Variants in ATP8A2 observed in about 807,000 individuals in gnomAD.
The protein encoded by ATP8A2 is phospholipid-transporting ATPase IB.
ATP8A2 carries 100 observed loss-of-function variants against 165.6 expected under a neutral mutation model. The ratio of observed to expected loss-of-function variants is 0.60; its 90% CI spans 0.51 to 0.71. The LOEUF (loss-of-function observed/expected upper bound fraction) is 0.71. Among genes scored for constraint, ATP8A2 ranks in the 30% least tolerant of loss-of-function variants. ATP8A2 has a pLI of 0.00. For missense variants in ATP8A2, 1,227 were observed against 1,479.5 expected (o/e 0.83, Z 2.80); for synonymous variants, 543 against 548.8 (o/e 0.99, Z 0.15).
intron 33 of ATP8A2, among the ~76,000 whole-genome samples, chr13:25,885,135 G>A (rs1194884160): frequency 8.3e-5 from 10 of 120,928 alleles, no homozygotes; most frequent in Admixed American, 1.9e-4. Context: ...TTTTTGAGGT[G>A]GAGTCTTGCT....
At chr13:25,465,107 G>A (rs994535496) in intron 1 of ATP8A2, among the ~76,000 whole-genome samples, 1 of 152,218 alleles carries the variant, frequency 6.6e-6, no homozygotes, top group African/African-American at 2.4e-5. Flanking sequence ...GGAGGTGTAA[G>A]CATATACTCA....
chr13:25,473,291 T>C (rs1264353653), intron 2 of ATP8A2, among the ~76,000 whole-genome samples: 5 of 152,222 alleles, frequency 3.3e-5, no homozygotes, highest in Non-Finnish European at 4.4e-5. Flanking sequence ...TTTTTCATTA[T>C]TGAAGCCAAT....
intron 2 of ATP8A2, among the ~76,000 whole-genome samples, chr13:25,518,734 C>A (rs1250006339): frequency 2.6e-5 from 4 of 152,132 alleles, no homozygotes; most frequent in Admixed American, 2.6e-4. Flanking sequence ...CCTGTGGTGC[C>A]TTGTGATTTG....
intron 33 of ATP8A2, among the ~76,000 whole-genome samples, chr13:25,942,793 A>G (rs1053449240): frequency 3.2e-4 from 49 of 152,342 alleles, no homozygotes; most frequent in Admixed American, 7.8e-4. Context: ...GGTCATAAAG[A>G]TGTTCTCCTA....
intron 1 of ATP8A2, among the ~76,000 whole-genome samples, chr13:25,385,259 G>A (rs2032999094): frequency 1.3e-5 from 2 of 152,196 alleles, no homozygotes; most frequent in South Asian, 4.1e-4. Context: ...AGTTTATGCT[G>A]AATTCAGCCC....
At position 25,374,823 on chromosome 13, in the gene ATP8A2, A is replaced by G. The variant is rs191998846; in HGVS notation, c.76+2535A>G. On this transcript the variant is annotated intron_variant, in intron 1 of 36. Coordinates refer to ENST00000381655, the MANE Select transcript of ATP8A2 (RefSeq NM_016529.6). Reference sequence around the variant, plus strand: ...GGGGCAGAGGGCCTGACAATCGTGTACTCCCATAAAAATACTAAACAAAGA... The same window carrying G: ...GGGGCAGAGGGCCTGACAATCGTGTGCTCCCATAAAAATACTAAACAAAGA... Among the ~76,000 whole-genome samples, 39 of 152,226 alleles carry G rather than the reference A, an allele frequency of 2.6e-4. 1 individual carries two copies. Among genetic ancestry groups the G allele is most frequent in the Admixed American group, 8.5e-4 (13 of 15,286 alleles).
chr13:25,850,340 A>G (rs977295122), intron 30 of ATP8A2, among the ~76,000 whole-genome samples: 11 of 151,962 alleles, frequency 7.2e-5, no homozygotes, highest in Non-Finnish European at 1.5e-4. Context: ...ACTTTTTTGG[A>G]GCCTATACAT....
intron 1 of ATP8A2, 175 bp from the exon 2 acceptor site, chr13:25,468,802 G>C: frequency 1.0e-6 from 1 of 982,454 alleles, no homozygotes; most frequent in Non-Finnish European, 1.2e-6. Flanking sequence ...GGCCTTGGCT[G>C]CCGCGGCACA....
intron 1 of ATP8A2, among the ~76,000 whole-genome samples, chr13:25,399,397 C>CTT (rs71077467): frequency 0.11 from 7,995 of 73,794 alleles, 939 homozygotes; most frequent in South Asian, 0.28. Context: ...AGTGGTTCTT[C>CTT]TTTTTTTTTT....
chr13:25,822,552 C>T (rs1250310168), intron 27 of ATP8A2, among the ~76,000 whole-genome samples: 1 of 152,130 alleles, frequency 6.6e-6, no homozygotes, highest in Non-Finnish European at 1.5e-5. Context: ...GCCTTTTCTT[C>T]CCCCTGTGAT....
At chr13:25,830,246 C>G (rs774827365) in intron 28 of ATP8A2, among the ~76,000 whole-genome samples, 2 of 152,068 alleles carry the variant, frequency 1.3e-5, no homozygotes, top group South Asian at 4.2e-4. Context: ...CTCCTGGGCT[C>G]AAGCAGTCCT....
chr13:25,446,120 C>T (rs1233574003), intron 1 of ATP8A2, among the ~76,000 whole-genome samples: 1 of 152,116 alleles, frequency 6.6e-6, no homozygotes, highest in African/African-American at 2.4e-5. Flanking sequence ...TGATGGCCTT[C>T]CTGAGACTTC....
Position 25,681,027 on chromosome 13 carries a change from G to A in ATP8A2, c.2212-18146G>A, listed in dbSNP as rs370276149. 4.5e-4 allele frequency among the ~76,000 whole-genome samples: 68 copies of A among 152,252 alleles called. 1 individual carries two copies. The South Asian group carries it at 0.014, about 31-fold the overall frequency. On this transcript the variant is annotated intron_variant, in intron 24 of 36. Transcript: ENST00000381655. Reference sequence around the variant, plus strand: ...ACTCAGTATATTTTTCTGAAGAGAGGGAAACAATTGGAATTGAAGTGACTA... The same window carrying A: ...ACTCAGTATATTTTTCTGAAGAGAGAGAAACAATTGGAATTGAAGTGACTA...
At chr13:25,660,869 T>C (rs749005612) in intron 24 of ATP8A2, among the ~76,000 whole-genome samples, 16 of 152,156 alleles carry the variant, frequency 1.1e-4, no homozygotes, top group Non-Finnish European at 1.8e-4. Flanking sequence ...CTTTCCTGTT[T>C]GGCTTCATGA....
intron 28 of ATP8A2, among the ~76,000 whole-genome samples, chr13:25,836,598 C>G (rs1425979684): frequency 6.6e-6 from 1 of 152,156 alleles, no homozygotes; most frequent in African/African-American, 2.4e-5. Flanking sequence ...TGCCCCACTG[C>G]CCTCCTCCAC....
intron 25 of ATP8A2, among the ~76,000 whole-genome samples, chr13:25,722,721 A>G (rs7989481): frequency 0.012 from 1,792 of 152,344 alleles, 26 homozygotes; most frequent in African/African-American, 0.04. Context: ...AAAAGCCACA[A>G]TAAAATAAGT....
chr13:25,379,041 T>C (rs778368812), intron 1 of ATP8A2, among the ~76,000 whole-genome samples: 2 of 152,254 alleles, frequency 1.3e-5, no homozygotes, highest in Non-Finnish European at 2.9e-5. Flanking sequence ...ATACTCCAGA[T>C]AGGAGAAATA....
intron 24 of ATP8A2, among the ~76,000 whole-genome samples, chr13:25,645,851 T>C (rs1023815931): frequency 6.6e-6 from 1 of 152,186 alleles, no homozygotes; most frequent in South Asian, 2.1e-4. Flanking sequence ...TCTGTCTTGG[T>C]GAATGCTTCA....
At chr13:25,816,652 A>G (rs143571419) in intron 27 of ATP8A2, among the ~76,000 whole-genome samples, 1 of 152,310 alleles carries the variant, frequency 6.6e-6, no homozygotes, top group Non-Finnish European at 1.5e-5. Flanking sequence ...ACTCCTACCC[A>G]TAGCACAGAG....
Sources: gnomAD v4.1 joint callset for allele counts (sites outside exome capture counted in the v4.1 genomes callset) on GRCh38, gnomAD v4.1.1 for gene constraint, MANE v1.5 for transcripts, NCBI Gene and HGNC (gene_info 2026-07-23, HGNC 2026-07-21) for gene names.